DMD: variants seen among roughly 807,000 people sequenced by gnomAD.
DMD encodes the protein dystrophin.
A neutral mutation model predicts 330.1 loss-of-function variants in DMD; 63 were observed. The observed-to-expected ratio is 0.19, with a 90% confidence interval of 0.16 to 0.24. The LOEUF (loss-of-function observed/expected upper bound fraction) is 0.24, where lower values mean the gene tolerates loss of function less well. DMD is among the 10% of genes least tolerant of loss of function. DMD has a pLI of 1.00. For missense variants in DMD, 3,344 were observed against 2,684.1 expected, an observed-to-expected ratio of 1.25 and a Z score of -5.43; for synonymous variants, 1,223 against 959.8, an observed-to-expected ratio of 1.27 and a Z score of -5.07.
At chrX:32,014,802 A>T (rs1430713304) in intron 44 of DMD, among the ~76,000 whole-genome samples, 1 of 112,202 alleles carries the variant, frequency 8.9e-6, no homozygotes, top group African/African-American at 3.2e-5. Context: ...TCAGAGATTA[A>T]AGATTAAAAC....
At chrX:32,153,191 C>T (rs1233824497) in intron 44 of DMD, among the ~76,000 whole-genome samples, 2 of 112,119 alleles carry the variant, frequency 1.8e-5, no homozygotes, top group African/African-American at 6.5e-5. Flanking sequence ...ATTTTATTCA[C>T]ATCACAGTAT....
At chrX:32,483,545 A>T (rs1001161697) in intron 21 of DMD, among the ~76,000 whole-genome samples, 2 of 109,736 alleles carry the variant, frequency 1.8e-5, no homozygotes, top group African/African-American at 6.6e-5. Flanking sequence ...GTAAATTTCC[A>T]GTGAAATGGC....
intron 17 of DMD, among the ~76,000 whole-genome samples, chrX:32,521,262 C>T (rs987358940): frequency 9.8e-5 from 11 of 111,912 alleles, no homozygotes; most frequent in Admixed American, 1.9e-4. Context: ...CTCTGCCTCC[C>T]GGGTTCAAGG....
At chrX:31,585,293 C>T (rs1256784840) in intron 55 of DMD, among the ~76,000 whole-genome samples, 14 of 93,409 alleles carry the variant, frequency 1.5e-4, no homozygotes, top group Non-Finnish European at 2.7e-4. Context: ...CATTGCACTC[C>T]AGCCTAGGCA....
intron 1 of DMD, among the ~76,000 whole-genome samples, chrX:33,235,913 A>ATTTT (rs1388102986): frequency 1.0e-5 from 1 of 97,193 alleles, no homozygotes; most frequent in Non-Finnish European, 2.1e-5. Context: ...TATTATTATT[A>ATTTT]TTATTTTTTT....
chrX:33,322,822 T>A (rs2054035148), intron 1 of DMD, among the ~76,000 whole-genome samples: 1 of 111,971 alleles, frequency 8.9e-6, no homozygotes, highest in African/African-American at 3.2e-5. Context: ...TATTGTGATG[T>A]AAATATGATA....
intron 12 of DMD, among the ~76,000 whole-genome samples, chrX:32,607,289 A>G (rs187720708): frequency 9.1e-6 from 1 of 110,479 alleles, no homozygotes; most frequent in Non-Finnish European, 1.9e-5. Context: ...GCATTCTTAC[A>G]CTGAGATTCA....
intron 37 of DMD, among the ~76,000 whole-genome samples, chrX:32,351,015 C>T (rs911425380): frequency 3.6e-5 from 4 of 111,078 alleles, no homozygotes; most frequent in Admixed American, 9.6e-5. Flanking sequence ...TATTTATCCT[C>T]ATTGAACCTC....
intron 44 of DMD, among the ~76,000 whole-genome samples, chrX:32,122,435 GT>G (rs1183621468): frequency 8.9e-6 from 1 of 111,849 alleles, no homozygotes; most frequent in Non-Finnish European, 1.9e-5. Flanking sequence ...CACAATCTAG[GT>G]CTTCACACAC....
intron 2 of DMD, among the ~76,000 whole-genome samples, chrX:32,926,475 T>A (rs6631678): frequency 0.14 from 15,029 of 111,304 alleles, 788 homozygotes; most frequent in East Asian, 0.22. Flanking sequence ...CTTGGCTGGG[T>A]GCAGTGGCTC....
rs183904430 is a variant in DMD at position 32,162,112 on chromosome X, G to A, written c.6438+54804C>T. Among the ~76,000 whole-genome samples the A allele has an allele frequency of 2.3e-4, 26 of 111,565 alleles. No individual in the cohort carries two copies. In the East Asian group the frequency reaches 4.5e-3, roughly 19 times the overall value. ...GGGTTGATGGGTGCAGCAAACCACC[G>A]TGGCAAATGTATACCTATGTAACAA... On this transcript the variant is annotated intron_variant, in intron 44 of 78. Coordinates refer to ENST00000357033, the MANE Select transcript of DMD (RefSeq NM_004006.3).
chrX:32,102,403 C>T (rs186874641), intron 44 of DMD, among the ~76,000 whole-genome samples: 234 of 111,224 alleles, frequency 2.1e-3, no homozygotes, highest in Non-Finnish European at 3.9e-3. Context: ...TTGTTCCTAA[C>T]TCATTCAAAG....
chrX:31,687,398 A>G (rs1235250158), intron 52 of DMD, among the ~76,000 whole-genome samples: 1 of 111,412 alleles, frequency 9.0e-6, no homozygotes, highest in Non-Finnish European at 1.9e-5. Context: ...GTTCTTGGAC[A>G]GCATTTTTGG....
chrX:31,166,599 T>G (rs1468138460), intron 74 of DMD, among the ~76,000 whole-genome samples: 4 of 111,612 alleles, frequency 3.6e-5, no homozygotes, highest in Non-Finnish European at 7.5e-5. Flanking sequence ...AAAGAATTCC[T>G]GGGTTTTCTC....
chrX:33,186,724 A>C (rs1410122621), intron 1 of DMD, among the ~76,000 whole-genome samples: 1 of 111,529 alleles, frequency 9.0e-6, no homozygotes, highest in African/African-American at 3.2e-5. Context: ...CCAGCGTGTA[A>C]TTTCACCCTA....
At chrX:31,336,887 C>T (rs1321600886) in intron 61 of DMD, among the ~76,000 whole-genome samples, 4 of 109,278 alleles carry the variant, frequency 3.7e-5, no homozygotes, top group African/African-American at 1.3e-4. Flanking sequence ...AAACATGTTT[C>T]GTGGTGTCTG....
intron 61 of DMD, among the ~76,000 whole-genome samples, chrX:31,340,754 T>G (rs1409540529): frequency 2.7e-5 from 3 of 112,309 alleles, no homozygotes; most frequent in African/African-American, 9.7e-5. Flanking sequence ...CTGTGTATTA[T>G]CAATGTCAAG....
intron 1 of DMD, among the ~76,000 whole-genome samples, chrX:33,107,176 G>T (rs1306493903): frequency 9.0e-6 from 1 of 110,604 alleles, no homozygotes; most frequent in Non-Finnish European, 1.9e-5. Context: ...GCTGGCTGTG[G>T]TGGCGGATGC....
At chrX:32,894,344 G>A (rs757535042) in intron 2 of DMD, among the ~76,000 whole-genome samples, 2 of 111,776 alleles carry the variant, frequency 1.8e-5, no homozygotes, top group South Asian at 3.7e-4. Context: ...TACAGGGGAG[G>A]GAATTCAGTA....
Sources: allele counts gnomAD v4.1 joint callset (sites outside exome capture counted in the v4.1 genomes callset), GRCh38; gene constraint gnomAD v4.1.1; transcripts MANE v1.5; gene names NCBI Gene and HGNC (gene_info 2026-07-23, HGNC 2026-07-21).